The following PCSK9 variants were observed in gnomAD, a reference collection of about 807,000 sequenced individuals.
PCSK9 encodes convertase subtilisin/kexin type 9 preproprotein.
A neutral mutation model predicts 62.1 loss-of-function variants in PCSK9; 57 were observed. The observed-to-expected ratio is 0.92, with a 90% CI of 0.74 to 1.14. The LOEUF is 1.14. Ranked by LOEUF, PCSK9 falls within the 50% of genes most tolerant of loss-of-function variation. PCSK9 has a pLI of 0.00. For synonymous variants in PCSK9, 387 were observed against 409.4 expected, an observed-to-expected ratio of 0.95 and a Z score of 0.66; for missense variants, 870 against 959.8, an observed-to-expected ratio of 0.91 and a Z score of 1.24.
chr1:55,052,035 A>C, intron 3 of PCSK9: 2 of 578,824 alleles, frequency 3.5e-6, no homozygotes, highest in Admixed American at 2.8e-5. Flanking sequence ...CCTTCTTGGC[A>C]GTAGCATTGC....
chr1:55,060,857 C>T (rs1295614390), intron 10 of PCSK9, among the ~76,000 whole-genome samples: 1 of 152,192 alleles, frequency 6.6e-6, no homozygotes, highest in East Asian at 1.9e-4. Flanking sequence ...TTCACAGTGT[C>T]CCTGTGAGTA....
At position 55,063,533 on chromosome 1, in the gene PCSK9, C is replaced by T. The variant is rs142524469; in HGVS notation, c.2028C>T (p.Ala676=). The change falls in exon 12 of 12, where the codon GCC becomes GCT. Residue 676 remains alanine, a synonymous_variant. Transcript: ENST00000302118. ...GCGAAGGGGCCGTGACAGCCGTTGCCATCTGCTGCCGGAGCCGGCACCTGG... is the reference window on the plus strand; with the variant it reads ...GCGAAGGGGCCGTGACAGCCGTTGCTATCTGCTGCCGGAGCCGGCACCTGG... ...STSEGAVTAV[A]ICCRSRHLAQ... The T allele has an allele frequency of 6.8e-5, 109 of 1,613,418 alleles. No homozygotes were observed. The highest frequency in any genetic ancestry group is 8.6e-5 in the Non-Finnish European group (101 of 1,179,772).
At chr1:55,045,324 CT>C (rs965818320) in intron 2 of PCSK9, among the ~76,000 whole-genome samples, 4 of 152,170 alleles carry the variant, frequency 2.6e-5, no homozygotes, top group African/African-American at 9.6e-5. Context: ...CCCTTATTGG[CT>C]GTCTAACCCT....
intron 1 of PCSK9, 146 bp from the exon 2 acceptor site, chr1:55,043,697 T>C: frequency 2.2e-6 from 2 of 927,182 alleles, no homozygotes; most frequent in Non-Finnish European, 1.7e-6. Flanking sequence ...ATTTGCTTTT[T>C]GGTCCGCATT....
At chr1:55,052,226 A>AG (rs1225300275) in intron 3 of PCSK9, 52 bp from the exon 4 acceptor site, 13 of 1,612,274 alleles carry the variant, frequency 8.1e-6, no homozygotes, top group Non-Finnish European at 1.1e-5. Flanking sequence ...GTTAACTATA[A>AG]GGTTGACTTT....
chr1:55,061,369 C>T lies in PCSK9; in HGVS notation c.1682-6C>T, dbSNP rs376797037. 6.2e-7 allele frequency: 1 copy of T among 1,604,180 alleles called. No homozygotes were observed. Among genetic ancestry groups the T allele is most frequent in the East Asian group, 2.2e-5 (1 of 44,636 alleles). ...TCACATCTGAGCTGGCTTTCCTCTG[C>T]CCCAGGCTGCAGCTCCCACTGGGAG... On this transcript the variant is annotated splice_polypyrimidine_tract_variant and splice_region_variant and intron_variant, in intron 10 of 11. Coordinates refer to ENST00000302118, the MANE Select transcript of PCSK9 (RefSeq NM_174936.4).
At chr1:55,061,060 G>A (rs1178196858) in intron 10 of PCSK9, among the ~76,000 whole-genome samples, 1 of 152,168 alleles carries the variant, frequency 6.6e-6, no homozygotes, top group Non-Finnish European at 1.5e-5. Context: ...AGGGGCTGGG[G>A]GGAGTTTGAG....
In PCSK9 at chr1:55,046,623, G is replaced by C. The variant is rs779384470; in HGVS notation, c.500G>C (p.Arg167Pro). Residue 167 changes from arginine (R) to proline (P), a missense_variant, in exon 3 of 12, where the codon CGG (arginine) becomes CCG (proline). Physicochemically the swap from Arg to Pro is moderately radical, Grantham distance 103 (BLOSUM62 -2). Coordinates refer to ENST00000302118, the MANE Select transcript of PCSK9 (RefSeq NM_174936.4). ...NLERITPPRY[R>P]ADEYQPPDGG... The stretch of plus-strand genomic sequence containing the variant: ...GAGCGGATTACCCCTCCACGGTACC[G>C]GGCGGATGAATACCAGCCCCCCGGT... 1 of 1,613,834 alleles carries C rather than the reference G, an allele frequency of 6.2e-7. No individual in the cohort carries two copies. The highest frequency in any genetic ancestry group is 1.3e-5 in the African/African-American group (1 of 74,870).
At chr1:55,048,859 C>A (rs1034999713) in intron 3 of PCSK9, among the ~76,000 whole-genome samples, 3 of 152,246 alleles carry the variant, frequency 2.0e-5, no homozygotes, top group Non-Finnish European at 4.4e-5. Context: ...ATTTCTCTGT[C>A]AGGTATTGAG....
At chr1:55,057,557 G>T (rs1210254928) in intron 7 of PCSK9, 43 bp downstream of exon 7, 2 of 1,569,634 alleles carry the variant, frequency 1.3e-6, no homozygotes, top group Non-Finnish European at 1.7e-6. Flanking sequence ...GATGCTAACA[G>T]CCCCTTTGGC....
chr1:55,057,657 C>G (rs1436485058), intron 7 of PCSK9, 143 bp downstream of exon 7: 3 of 1,086,380 alleles, frequency 2.8e-6, no homozygotes, highest in Admixed American at 4.0e-5. Context: ...CAAGGACACT[C>G]AGTCTGATGA....
rs868122267 is a variant in PCSK9 at position 55,056,063 on chromosome 1, G to A, written c.870G>A (p.Ala290=). ...CACTGGTGGTGCTGCTGCCCCTGGC[G>A]GGTGGGTACAGCCGCGTCCTCAACG... The part of the protein sequence containing the change: ...VGPLVVLLPL[A]GGYSRVLNAA... Residue 290 remains alanine (A), a synonymous_variant, in exon 6 of 12, where the codon GCG becomes GCA. Transcript: ENST00000302118. 1.2e-6 allele frequency: 2 copies of A among 1,606,384 alleles called. No homozygotes were observed. The highest frequency in any genetic ancestry group is 8.5e-7 in the Non-Finnish European group (1 of 1,175,550).
Position 55,063,726 on chromosome 1 carries a change from C to A in PCSK9, c.*142C>A. The A allele has an allele frequency of 9.4e-7, 1 of 1,062,778 alleles. No individual in the cohort carries two copies. The highest frequency in any genetic ancestry group is 1.3e-6 in the Non-Finnish European group (1 of 754,278). 65.8% of individuals were successfully genotyped at this position (1,062,778 alleles called of 1,614,324 possible). On this transcript the variant is annotated 3_prime_UTR_variant, in exon 12 of 12. Transcript: ENST00000302118. Reference sequence around the variant, plus strand: ...GCTTCCGCCTTTCCGGGGCTGCTGGCCTGGCCCTTGAGTGGGGCAGCCTCC... The same window carrying A: ...GCTTCCGCCTTTCCGGGGCTGCTGGACTGGCCCTTGAGTGGGGCAGCCTCC...
intron 3 of PCSK9, chr1:55,051,551 C>A (rs546489528): frequency 7.0e-6 from 2 of 287,146 alleles, no homozygotes; most frequent in Non-Finnish European, 1.3e-5. Context: ...TTCTCCTATA[C>A]CCTAACCTTT....
At position 55,039,894 on chromosome 1, in the gene PCSK9, G is replaced by C. The variant is rs1271212224; in HGVS notation, c.57G>C (p.Leu19=). ...GGCCGCTGCCACTGCTGCTGCTGCT[G>C]CTGCTGCTCCTGGGTCCCGCGGGCG... ...SWWPLPLLLL[L]LLLLGPAGAR... The change falls in exon 1 of 12, where the codon CTG becomes CTC. Residue 19 remains leucine (L), a synonymous_variant. Transcript: ENST00000302118. 8.9e-6 allele frequency: 14 copies of C among 1,565,378 alleles called. No homozygotes were observed. In the African/African-American group the frequency reaches 1.8e-4, roughly 20 times the overall value.
In PCSK9 at chr1:55,046,601, C is replaced by T. The variant is rs200505188; in HGVS notation, c.478C>T (p.Arg160Trp). ...FAQSIPWNLE[R>W]ITPPRYRADE... The stretch of plus-strand genomic sequence containing the variant: ...CCAGAGCATCCCGTGGAACCTGGAG[C>T]GGATTACCCCTCCACGGTACCGGGC... Residue 160 changes from arginine (R) to tryptophan (W), a missense_variant, in exon 3 of 12, where the codon CGG becomes TGG. Physicochemically the swap from Arg to Trp is moderately radical, Grantham distance 101. Transcript: ENST00000302118. 6.2e-6 allele frequency: 10 copies of T among 1,614,062 alleles called. No homozygotes were observed. Among genetic ancestry groups the T allele is most frequent in the African/African-American group, 2.7e-5 (2 of 75,038 alleles).
Position 55,050,356 on chromosome 1 carries a change from G to T in PCSK9, c.524-1922G>T, listed in dbSNP as rs28362234. 7.2e-3 allele frequency among the ~76,000 whole-genome samples: 1,090 copies of T among 152,314 alleles called. 11 individuals carry two copies. The highest frequency in any genetic ancestry group is 0.024 in the African/African-American group (987 of 41,558). ...CTCAATATCTAGTGGTTCCTCTAGG[G>T]TGGCGAGCACTGTTTGGTCTCCAGA... is the stretch of plus-strand genomic sequence containing the variant. On this transcript the variant is annotated intron_variant, in intron 3 of 11. Coordinates refer to ENST00000302118, the MANE Select transcript of PCSK9 (RefSeq NM_174936.4).
intron 9 of PCSK9, 119 bp downstream of exon 9, chr1:55,058,766 A>G: frequency 6.6e-7 from 1 of 1,523,888 alleles, no homozygotes; most frequent in Non-Finnish European, 8.8e-7. Context: ...CATCCTCCAG[A>G]CTCCAGCTCT....
chr1:55,058,490 T>A lies in PCSK9; in HGVS notation c.1355-9T>A, dbSNP rs1266793671. On this transcript the variant is annotated splice_polypyrimidine_tract_variant and intron_variant, in intron 8 of 11. Coordinates refer to ENST00000302118, the MANE Select transcript of PCSK9 (RefSeq NM_174936.4). ...AGCACCCCCTCCTCATCCCAGGCCC[T>A]TTTTGCAGGTTGGCAGCTGTTTTGC... 7 of 1,611,982 alleles carry A rather than the reference T, an allele frequency of 4.3e-6. No homozygotes were observed. Among genetic ancestry groups the A allele is most frequent in the Non-Finnish European group, 4.2e-6 (5 of 1,179,968 alleles).
Sources: allele counts gnomAD v4.1 joint callset (sites outside exome capture counted in the v4.1 genomes callset), GRCh38; gene constraint gnomAD v4.1.1; transcripts MANE v1.5; gene names NCBI Gene and HGNC (gene_info 2026-07-23, HGNC 2026-07-21).